Variants in FGF4 observed in about 807,000 individuals in gnomAD.
FGF4 encodes the protein heparin secretory transforming protein 1.
In FGF4, 9 loss-of-function variants were observed where a neutral mutation model predicts 15.7. The ratio of observed to expected loss-of-function variants is 0.57; its 90% CI spans 0.35 to 1.00. The LOEUF (loss-of-function observed/expected upper bound fraction) is 1.00, where lower values mean the gene tolerates loss of function less well. Ranked by LOEUF, FGF4 falls within the 50% of genes least tolerant of loss-of-function variation. FGF4 has a pLI of 0.02. For synonymous variants in FGF4, 164 were observed against 144.8 expected, an observed-to-expected ratio of 1.13 and a Z score of -0.95; for missense variants, 286 against 297.3, an observed-to-expected ratio of 0.96 and a Z score of 0.28.
In FGF4 at chr11:69,773,242, C is replaced by A; in HGVS notation, c.*67G>T. On this transcript the variant is annotated 3_prime_UTR_variant, in exon 3 of 3. Transcript: ENST00000168712. ...AAACTCTTCATCCGAAGAAAGTGCA[C>A]CAAGGTGACCCTCGGCACTGCCCTC... 5.0e-6 allele frequency: 7 copies of A among 1,395,910 alleles called. No individual in the cohort carries two copies. The highest frequency in any genetic ancestry group is 7.1e-6 in the Non-Finnish European group (7 of 992,786). 86.5% of individuals were successfully genotyped at this position (1,395,910 alleles called of 1,614,324 possible).
Position 69,773,083 on chromosome 11 carries a change from G to A in FGF4, c.*226C>T, listed in dbSNP as rs1401642382. 6.2e-6 allele frequency: 3 copies of A among 481,386 alleles called. No individual in the cohort carries two copies. Among genetic ancestry groups the A allele is most frequent in the Non-Finnish European group, 1.1e-5 (3 of 272,310 alleles). 29.8% of individuals were successfully genotyped at this position (481,386 alleles called of 1,614,324 possible). A position where few individuals can be genotyped will look rare whatever the true frequency, so the allele number is the denominator to read the frequency against. ...CTCCACTGTTGCACCAGAAAAGTCAGAGTTGGTTTTTTGTTTTGTCTTTTT... is the reference window on the plus strand; with the variant it reads ...CTCCACTGTTGCACCAGAAAAGTCAAAGTTGGTTTTTTGTTTTGTCTTTTT... On this transcript the variant is annotated 3_prime_UTR_variant, in exon 3 of 3. Coordinates refer to ENST00000168712, the MANE Select transcript of FGF4 (RefSeq NM_002007.4).
Position 69,775,301 on chromosome 11 carries a change from C to T in FGF4, c.-217G>A, listed in dbSNP as rs1855629404. ...CCGGGCGGAAAGCGCGCGGCTGGAGCTGGGACTCTGAGGAGCAGTGCGCGC... is the reference window on the plus strand; with the variant it reads ...CCGGGCGGAAAGCGCGCGGCTGGAGTTGGGACTCTGAGGAGCAGTGCGCGC... On this transcript the variant is annotated 5_prime_UTR_variant, in exon 1 of 3. Coordinates refer to ENST00000168712, the MANE Select transcript of FGF4 (RefSeq NM_002007.4). The T allele has an allele frequency of 5.3e-6, 2 of 376,334 alleles. No homozygotes were observed. Among genetic ancestry groups the T allele is most frequent in the East Asian group, 3.8e-5 (1 of 25,992 alleles). 23.3% of individuals were successfully genotyped at this position (376,334 alleles called of 1,614,324 possible).
chr11:69,773,739 C>T (rs971752012), intron 2 of FGF4, among the ~76,000 whole-genome samples: 8 of 152,152 alleles, frequency 5.3e-5, no homozygotes, highest in Non-Finnish European at 1.0e-4. Flanking sequence ...GCCTCAAGCC[C>T]GCAGTTCCAA....
intron 2 of FGF4, 84 bp from the exon 3 acceptor site, chr11:69,773,569 C>A: frequency 7.7e-7 from 1 of 1,293,512 alleles, no homozygotes; most frequent in Admixed American, 1.7e-5. Flanking sequence ...GAACCCCCTT[C>A]TGTCCCACCC....
Position 69,774,147 on chromosome 11 carries a change from C to A in FGF4, c.341-20G>T. The A allele has an allele frequency of 6.3e-7, 1 of 1,590,714 alleles. No individual in the cohort carries two copies. The highest frequency in any genetic ancestry group is 1.1e-5 in the South Asian group (1 of 89,804). On this transcript the variant is annotated intron_variant, in intron 1 of 2. Coordinates refer to ENST00000168712, the MANE Select transcript of FGF4 (RefSeq NM_002007.4). ...GCAGGCCTGGGGGCGGGGCGCAGGT[C>A]ATTGCGGGGCAGGTGATCCCTGGCC... is the stretch of plus-strand genomic sequence containing the variant.
intron 2 of FGF4, 29 bp from the exon 3 acceptor site, chr11:69,773,514 T>C (rs1565103729): frequency 2.5e-6 from 4 of 1,612,476 alleles, no homozygotes; most frequent in Non-Finnish European, 3.4e-6. Flanking sequence ...GTGTCAGGGC[T>C]GGGGCACCTC....
rs1001068009 is a variant in FGF4 at position 69,774,745 on chromosome 11, T to A, written c.340A>T (p.Ser114Cys). 6.1e-6 allele frequency: 9 copies of A among 1,478,754 alleles called. No homozygotes were observed. The highest frequency in any genetic ancestry group is 2.4e-5 in the Admixed American group (1 of 41,600). The allele number at this position is 1,478,754 out of a possible 1,614,324, so 91.6% of individuals were successfully genotyped here. A position where few individuals can be genotyped will look rare whatever the true frequency, so the allele number is the denominator to read the frequency against. ...IGGAHADTRD[S>C]LLELSPVERG... ...CTTCGCGCCTGGCCGCGCCACTCACTGTCGCGGGTGTCCGCGTGCGCGCCG... is the reference window on the plus strand; with the variant it reads ...CTTCGCGCCTGGCCGCGCCACTCACAGTCGCGGGTGTCCGCGTGCGCGCCG... The change falls in exon 1 of 3, where the codon AGC (serine) becomes TGC (cysteine). Residue 114 changes from serine to cysteine, a missense_variant and splice_region_variant. By Grantham distance (112) the Ser-to-Cys change is moderately radical (BLOSUM62 -1). Transcript: ENST00000168712.
chr11:69,772,826 A>C lies in FGF4; in HGVS notation c.*483T>G. The C allele has an allele frequency of 5.5e-6, 1 of 180,896 alleles. No homozygotes were observed. The highest frequency in any genetic ancestry group is 1.8e-4 in the South Asian group (1 of 5,596). The allele number at this position is 180,896 out of a possible 1,614,324, so 11.2% of individuals were successfully genotyped here. On this transcript the variant is annotated 3_prime_UTR_variant, in exon 3 of 3. Transcript: ENST00000168712. ...GAAGTAAACCGATATGTCCCGATTA[A>C]TAGCAACAGGGCACAAAGGGAGTGG...
chr11:69,773,207 C>T lies in FGF4; in HGVS notation c.*102G>A. ...AATTAATTTAAATATCTTACACCTA[C>T]TCTTGCATTAAACTCTTCATCCGAA... is the stretch of plus-strand genomic sequence containing the variant. On this transcript the variant is annotated 3_prime_UTR_variant, in exon 3 of 3. Coordinates refer to ENST00000168712, the MANE Select transcript of FGF4 (RefSeq NM_002007.4). 2 of 831,988 alleles carry T rather than the reference C, an allele frequency of 2.4e-6. No individual in the cohort carries two copies. The highest frequency in any genetic ancestry group is 3.9e-6 in the Non-Finnish European group (2 of 517,642). The allele number at this position is 831,988 out of a possible 1,614,324, so 51.5% of individuals were successfully genotyped here.
chr11:69,774,713 C>G, intron 1 of FGF4, 32 bp downstream of exon 1: 1 of 1,396,704 alleles, frequency 7.2e-7, no homozygotes, highest in Non-Finnish European at 9.2e-7. Context: ...GCCCCCCGCC[C>G]CCGCCCCTTC....
rs1334783518 is a variant in FGF4 at position 69,775,062 on chromosome 11, G to T, written c.23C>A (p.Ala8Glu). The change falls in exon 1 of 3, where the codon GCG becomes GAG. Residue 8 changes from alanine to glutamate, a missense_variant. Transcript: ENST00000168712. ...CAGGACCGCCGGGAGCAGCGCTACC[G>T]CGGCCGTCCCGGGCCCCGACATCCC... MSGPGTA[A>E]VALLPAVLLA... The T allele has an allele frequency of 3.7e-6, 5 of 1,352,328 alleles. No homozygotes were observed. The highest frequency in any genetic ancestry group is 4.7e-6 in the Non-Finnish European group (5 of 1,062,424). 83.8% of individuals were successfully genotyped at this position (1,352,328 alleles called of 1,614,324 possible).
In FGF4 at chr11:69,773,166, A is replaced by G. The variant is rs1050940740; in HGVS notation, c.*143T>C. On this transcript the variant is annotated 3_prime_UTR_variant, in exon 3 of 3. Coordinates refer to ENST00000168712, the MANE Select transcript of FGF4 (RefSeq NM_002007.4). ...GAACTATAAATAATTTGGTGGCAAT[A>G]TATACACATTTAAATAATTAATTTA... 8.1e-6 allele frequency: 5 copies of G among 619,738 alleles called. No homozygotes were observed. Among genetic ancestry groups the G allele is most frequent in the African/African-American group, 7.4e-5 (4 of 54,374 alleles). The allele number at this position is 619,738 out of a possible 1,614,324, so 38.4% of individuals were successfully genotyped here.
At position 69,772,579 on chromosome 11, in the gene FGF4, T is replaced by C. The variant is rs927596412; in HGVS notation, c.*730A>G. 3.3e-5 allele frequency: 5 copies of C among 152,170 alleles called. No individual in the cohort carries two copies. Among genetic ancestry groups the C allele is most frequent in the Non-Finnish European group, 7.3e-5 (5 of 68,052 alleles). 9.4% of individuals were successfully genotyped at this position (152,170 alleles called of 1,614,324 possible). A position where few individuals can be genotyped will look rare whatever the true frequency, so the allele number is the denominator to read the frequency against. On this transcript the variant is annotated 3_prime_UTR_variant, in exon 3 of 3. Coordinates refer to ENST00000168712, the MANE Select transcript of FGF4 (RefSeq NM_002007.4). ...CCTTCCAGTGGGATATTGATTCCTC[T>C]CCATGGAATTTATGAAAGAGCTTCG...
rs759166949 is a variant in FGF4 at position 69,773,408 on chromosome 11, G to A, written c.522C>T (p.Tyr174=). The part of the protein sequence containing the change: ...NNYNAYESYK[Y]PGMFIALSKN... ...TGCTCAGGGCGATGAACATGCCGGG[G>A]TACTTGTAGGACTCGTAGGCGTTGT... The change falls in exon 3 of 3, where the codon TAC becomes TAT. Residue 174 remains tyrosine, a synonymous_variant. Transcript: ENST00000168712. 6.8e-6 allele frequency: 11 copies of A among 1,614,140 alleles called. No individual in the cohort carries two copies. The highest frequency in any genetic ancestry group is 7.6e-6 in the Non-Finnish European group (9 of 1,180,002).
rs1267842006 is a variant in FGF4 at position 69,772,635 on chromosome 11, C to T, written c.*674G>A. ...TCCCCAATAGTCACAGCGATGGGGGCTGTCGCTGATCCAAAAAAGGCAAAC... is the reference window on the plus strand; with the variant it reads ...TCCCCAATAGTCACAGCGATGGGGGTTGTCGCTGATCCAAAAAAGGCAAAC... On this transcript the variant is annotated 3_prime_UTR_variant, in exon 3 of 3. Transcript: ENST00000168712. 6.6e-6 allele frequency: 1 copy of T among 152,262 alleles called. No individual in the cohort carries two copies. The highest frequency in any genetic ancestry group is 6.5e-5 in the Admixed American group (1 of 15,284). 9.4% of individuals were successfully genotyped at this position (152,262 alleles called of 1,614,324 possible). A position where few individuals can be genotyped will look rare whatever the true frequency, so the allele number is the denominator to read the frequency against.
Position 69,773,463 on chromosome 11 carries a change from G to A in FGF4, c.467C>T (p.Thr156Met), listed in dbSNP as rs750386794. The change falls in exon 3 of 3, where the codon ACG becomes ATG. Residue 156 changes from threonine (T) to methionine (M), a missense_variant. Coordinates refer to ENST00000168712, the MANE Select transcript of FGF4 (RefSeq NM_002007.4). Reference protein sequence around the residue: ...YGSPFFTDECTFKEILLPNNY... With the variant: ...YGSPFFTDECMFKEILLPNNY... ...GTTGGGAAGGAGAATCTCCTTGAACGTGCACTCATCGGTGAAGAAGGGCTG... is the reference window on the plus strand; with the variant it reads ...GTTGGGAAGGAGAATCTCCTTGAACATGCACTCATCGGTGAAGAAGGGCTG... 7 of 1,614,172 alleles carry A rather than the reference G, an allele frequency of 4.3e-6. No individual in the cohort carries two copies. The highest frequency in any genetic ancestry group is 3.3e-4 in the Middle Eastern group (2 of 6,062).
chr11:69,772,136 C>G lies in FGF4; in HGVS notation c.*1173G>C, dbSNP rs1045623339. On this transcript the variant is annotated 3_prime_UTR_variant, in exon 3 of 3. Coordinates refer to ENST00000168712, the MANE Select transcript of FGF4 (RefSeq NM_002007.4). The stretch of plus-strand genomic sequence containing the variant: ...GTGACAAGGTTCGAATGGGACGCAC[C>G]GACGCTATCTGCAATCCTTTTTGGC... 6.6e-6 allele frequency: 1 copy of G among 152,096 alleles called. No individual in the cohort carries two copies. Among genetic ancestry groups the G allele is most frequent in the African/African-American group, 2.4e-5 (1 of 41,414 alleles). 9.4% of individuals were successfully genotyped at this position (152,096 alleles called of 1,614,324 possible). A position where few individuals can be genotyped will look rare whatever the true frequency, so the allele number is the denominator to read the frequency against.
rs1855585530 is a variant in FGF4, at chr11:69,772,656, C to T, written c.*653G>A. On this transcript the variant is annotated 3_prime_UTR_variant, in exon 3 of 3. Coordinates refer to ENST00000168712, the MANE Select transcript of FGF4 (RefSeq NM_002007.4). ...GGGGCTGTCGCTGATCCAAAAAAGG[C>T]AAACAGGAGTTTATAAAGTTGTCCA... 6.6e-6 allele frequency: 1 copy of T among 152,294 alleles called. No homozygotes were observed. Among genetic ancestry groups the T allele is most frequent in the African/African-American group, 2.4e-5 (1 of 41,470 alleles). The allele number at this position is 152,294 out of a possible 1,614,324, so 9.4% of individuals were successfully genotyped here.
chr11:69,774,699 C>A, intron 1 of FGF4, 46 bp downstream of exon 1: 1 of 1,341,190 alleles, frequency 7.5e-7, no homozygotes, highest in African/African-American at 1.6e-5. Flanking sequence ...GCCCGGCGGC[C>A]GTTGCCCCCC....
Sources: allele counts gnomAD v4.1 joint callset (sites outside exome capture counted in the v4.1 genomes callset), GRCh38; gene constraint gnomAD v4.1.1; transcripts MANE v1.5; gene names NCBI Gene and HGNC (gene_info 2026-07-23, HGNC 2026-07-21).